Variants in AGAP1 observed in about 807,000 individuals in gnomAD.
The protein encoded by AGAP1 is arf-GAP with GTPase, ANK repeat and PH domain-containing protein 1.
In AGAP1, 29 loss-of-function variants were observed where a neutral mutation model predicts 105.3. That is an observed-to-expected ratio of 0.28 (90% CI 0.21 to 0.38). The LOEUF (loss-of-function observed/expected upper bound fraction) is 0.38. Among genes scored for constraint, AGAP1 ranks in the 10% least tolerant of loss-of-function variants. The pLI, the probability that AGAP1 is intolerant of heterozygous loss-of-function variation, is 1.00. For missense variants in AGAP1, 998 were observed against 1,165.1 expected (o/e 0.86, Z 2.09); for synonymous variants, 509 against 485.9 (o/e 1.05, Z -0.63).
At position 235,714,316 on chromosome 2, in the gene AGAP1, A is replaced by T. The variant is rs1950988480; in HGVS notation, c.223-3241A>T. 6.6e-6 allele frequency among the ~76,000 whole-genome samples: 1 copy of T among 151,912 alleles called. No homozygotes were observed. Among genetic ancestry groups the T allele is most frequent in the South Asian group, 2.1e-4 (1 of 4,820 alleles). On this transcript the variant is annotated intron_variant, in intron 2 of 17. Transcript: ENST00000304032. This position sits in a 1 kb window ranked among gnomAD's most constrained non-coding sequence, Gnocchi z 4.1. Reference sequence around the variant, plus strand: ...CAGGCGTGAGCCACCATGCCCAGCCAGGGGTTAGGTTTCAACATATGAGTT... The same window carrying T: ...CAGGCGTGAGCCACCATGCCCAGCCTGGGGTTAGGTTTCAACATATGAGTT...
chr2:235,799,842 A>G lies in AGAP1; in HGVS notation c.957+320A>G, dbSNP rs1957407353. 6.6e-6 allele frequency among the ~76,000 whole-genome samples: 1 copy of G among 152,110 alleles called. No individual in the cohort carries two copies. Among genetic ancestry groups the G allele is most frequent in the Non-Finnish European group, 1.5e-5 (1 of 68,032 alleles). ...GGATACAAGGAGATGACAAAACTCT[A>G]AGATTCCCAGATGTGTGTCTCTAAC... On this transcript the variant is annotated intron_variant, in intron 8 of 17. Coordinates refer to ENST00000304032, the MANE Select transcript of AGAP1 (RefSeq NM_001037131.3). This position sits in a 1 kb window ranked among gnomAD's most constrained non-coding sequence, Gnocchi z 5.0.
At chr2:236,049,543 C>A in intron 16 of AGAP1, 1 of 368,762 alleles carries the variant, frequency 2.7e-6, no homozygotes. Flanking sequence ...AAGCTTCTAA[C>A]CTTATGAATA....
In AGAP1 at chr2:235,614,794, C is replaced by T. The variant is rs1384946483; in HGVS notation, c.164-94385C>T. Among the ~76,000 whole-genome samples, 1 of 152,178 alleles carries T rather than the reference C, an allele frequency of 6.6e-6. No individual in the cohort carries two copies. The highest frequency in any genetic ancestry group is 1.5e-5 in the Non-Finnish European group (1 of 68,012). On this transcript the variant is annotated intron_variant, in intron 1 of 17. Transcript: ENST00000304032. This position sits in a 1 kb window ranked among gnomAD's most constrained non-coding sequence, Gnocchi z 4.7. ...CACAGCGTTGGGTACCAAGAGGGTG[C>T]TGTCTTTTCCTGTTTTCTTGGCCTC...
At chr2:235,679,204 C>G (rs1427936024) in intron 1 of AGAP1, among the ~76,000 whole-genome samples, 1 of 152,192 alleles carries the variant, frequency 6.6e-6, no homozygotes, top group Non-Finnish European at 1.5e-5. Flanking sequence ...ATCTACATCC[C>G]TGAGCTCTGT....
chr2:236,036,823 G>A lies in AGAP1; in HGVS notation c.1800+108G>A. On this transcript the variant is annotated intron_variant, in intron 14 of 17. Coordinates refer to ENST00000304032, the MANE Select transcript of AGAP1 (RefSeq NM_001037131.3). This position sits in a 1 kb window ranked among gnomAD's most constrained non-coding sequence, Gnocchi z 5.7. ...AATAGAGGACCAGTGTGAATGACAG[G>A]ACCTAGCTATTCTTTATGAGCAGAA... The A allele has an allele frequency of 2.7e-6, 4 of 1,483,104 alleles. No homozygotes were observed. The highest frequency in any genetic ancestry group is 2.7e-6 in the Non-Finnish European group (3 of 1,112,034). 91.9% of individuals were successfully genotyped at this position (1,483,104 alleles called of 1,614,324 possible).
At chr2:235,682,959 G>C (rs781432144) in intron 1 of AGAP1, among the ~76,000 whole-genome samples, 1 of 152,122 alleles carries the variant, frequency 6.6e-6, no homozygotes, top group Non-Finnish European at 1.5e-5. Flanking sequence ...ATGGTTCTGT[G>C]TCTATGGGAA....
chr2:235,808,786 C>T (rs1957976606), intron 9 of AGAP1, among the ~76,000 whole-genome samples: 1 of 152,152 alleles, frequency 6.6e-6, no homozygotes, highest in Non-Finnish European at 1.5e-5. Context: ...GAGAAATTCT[C>T]TTCCCTCCAT....
chr2:235,597,385 C>T (rs1945560625), intron 1 of AGAP1, among the ~76,000 whole-genome samples: 1 of 152,208 alleles, frequency 6.6e-6, no homozygotes, highest in South Asian at 2.1e-4. Context: ...TCATGCAAGG[C>T]CTTGGCCCCT....
Position 235,904,067 on chromosome 2 carries a change from C to T in AGAP1, c.1156-4671C>T, listed in dbSNP as rs2051187741. On this transcript the variant is annotated intron_variant, in intron 10 of 17. Transcript: ENST00000304032. The surrounding 1 kb of genome is among the most constrained non-coding windows in gnomAD (Gnocchi z 4.2). ...AATTGCTAGCAGGTTTCTCTCATTG[C>T]ACCTCATTTGCATCTGGGACATCAA... Among the ~76,000 whole-genome samples the T allele has an allele frequency of 3.3e-5, 5 of 152,318 alleles. No individual in the cohort carries two copies. In the South Asian group the frequency reaches 1.0e-3, roughly 32 times the overall value.
At chr2:235,522,955 G>C (rs1296376028) in intron 1 of AGAP1, among the ~76,000 whole-genome samples, 1 of 152,186 alleles carries the variant, frequency 6.6e-6, no homozygotes, top group African/African-American at 2.4e-5. Flanking sequence ...GGATGTCTTA[G>C]CTGGGGCTAC....
At chr2:235,519,678 A>G (rs1942542783) in intron 1 of AGAP1, among the ~76,000 whole-genome samples, 3 of 152,210 alleles carry the variant, frequency 2.0e-5, no homozygotes, top group Admixed American at 2.0e-4. Flanking sequence ...CCAAACACAC[A>G]TATATGTATG....
In AGAP1 at chr2:235,574,358, G is replaced by T. The variant is rs776193920; in HGVS notation, c.163+79509G>T. Among the ~76,000 whole-genome samples, 1 of 152,208 alleles carries T rather than the reference G, an allele frequency of 6.6e-6. No homozygotes were observed. Among genetic ancestry groups the T allele is most frequent in the Non-Finnish European group, 1.5e-5 (1 of 68,032 alleles). ...AAGGCCTCAATGGATTGATTTAATT[G>T]TATGTGTGAAGCATTTTTTCTTCTT... On this transcript the variant is annotated intron_variant, in intron 1 of 17. Coordinates refer to ENST00000304032, the MANE Select transcript of AGAP1 (RefSeq NM_001037131.3). The surrounding 1 kb of genome is among the most constrained non-coding windows in gnomAD (Gnocchi z 5.0).
rs929197528 is a variant in AGAP1 at position 235,961,126 on chromosome 2, C to T, written c.1484-7336C>T. Among the ~76,000 whole-genome samples the T allele has an allele frequency of 5.3e-5, 8 of 152,200 alleles. No individual in the cohort carries two copies. The highest frequency in any genetic ancestry group is 7.2e-5 in the African/African-American group (3 of 41,448). ...AAGGCCTGCCTTCCTGAAGCTCGAG[C>T]GCTCATAGGGAAGATGTTCCGTAAA... On this transcript the variant is annotated intron_variant, in intron 12 of 17. Coordinates refer to ENST00000304032, the MANE Select transcript of AGAP1 (RefSeq NM_001037131.3). The surrounding 1 kb of genome is among the most constrained non-coding windows in gnomAD (Gnocchi z 5.9).
At chr2:235,537,118 A>G (rs1943263884) in intron 1 of AGAP1, among the ~76,000 whole-genome samples, 1 of 152,250 alleles carries the variant, frequency 6.6e-6, no homozygotes, top group Non-Finnish European at 1.5e-5. Context: ...CACAGAGCTC[A>G]TGTTTTGGTG....
rs1038437509 is a variant in AGAP1 at position 235,549,235 on chromosome 2, G to A, written c.163+54386G>A. On this transcript the variant is annotated intron_variant, in intron 1 of 17. Coordinates refer to ENST00000304032, the MANE Select transcript of AGAP1 (RefSeq NM_001037131.3). The surrounding 1 kb of genome is among the most constrained non-coding windows in gnomAD (Gnocchi z 4.2). ...ATTTCTAAGGAATACAAACTAGAAG[G>A]GCCTGGTTTCTGTAGGTGACAAAGC... 1.3e-5 allele frequency among the ~76,000 whole-genome samples: 2 copies of A among 152,178 alleles called. No individual in the cohort carries two copies. Among genetic ancestry groups the A allele is most frequent in the African/African-American group, 2.4e-5 (1 of 41,444 alleles).
chr2:236,117,213 A>T (rs1367263111), intron 16 of AGAP1, among the ~76,000 whole-genome samples: 2 of 152,168 alleles, frequency 1.3e-5, no homozygotes, highest in East Asian at 3.9e-4. Context: ...TTACATTCCC[A>T]CCAGCAGCGT....
chr2:235,783,205 A>C (rs1032974463), intron 6 of AGAP1: 44 of 342,576 alleles, frequency 1.3e-4, no homozygotes, highest in Non-Finnish European at 5.9e-6. Flanking sequence ...TTAGTGAAAG[A>C]TACTTTCCTA....
chr2:235,515,307 T>C lies in AGAP1; in HGVS notation c.163+20458T>C, dbSNP rs116628781. On this transcript the variant is annotated intron_variant, in intron 1 of 17. Coordinates refer to ENST00000304032, the MANE Select transcript of AGAP1 (RefSeq NM_001037131.3). ...GGGACAGGCACAGGCTGCCTGTGTA[T>C]TTAGGGCACTGCTTGGGTTGCCTGG... is the stretch of plus-strand genomic sequence containing the variant. Among the ~76,000 whole-genome samples, 444 of 152,178 alleles carry C rather than the reference T, an allele frequency of 2.9e-3. 5 individuals carry two copies. The highest frequency in any genetic ancestry group is 0.01 in the African/African-American group (432 of 41,514).
intron 9 of AGAP1, among the ~76,000 whole-genome samples, chr2:235,839,316 G>A (rs1960528471): frequency 6.6e-6 from 1 of 152,242 alleles, no homozygotes; most frequent in Non-Finnish European, 1.5e-5. Context: ...TGGGCGTGCA[G>A]GCACACATAC....
Sources: allele counts gnomAD v4.1 joint callset (sites outside exome capture counted in the v4.1 genomes callset), GRCh38; gene constraint gnomAD v4.1.1; non-coding constraint Gnocchi (gnomAD v3.1); transcripts MANE v1.5; gene names NCBI Gene and HGNC (gene_info 2026-07-23, HGNC 2026-07-21).